The following TRIOBP variants were observed in gnomAD, a reference collection of about 807,000 sequenced individuals.
TRIOBP encodes TRIO and F-actin binding protein.
TRIOBP carries 169 observed loss-of-function variants against 238.8 expected under a neutral mutation model. The ratio of observed to expected loss-of-function variants is 0.71; its 90% CI spans 0.62 to 0.80. TRIOBP has a LOEUF of 0.80. Ranked by LOEUF, TRIOBP falls within the 30% of genes least tolerant of loss-of-function variation. The pLI is 0.00. For synonymous variants in TRIOBP, 1,150 were observed against 1,274.4 expected (o/e 0.90, Z 2.08); for missense variants, 2,838 against 3,122.6 (o/e 0.91, Z 2.17).
chr22:37,710,330 T>C (rs1367356799), intron 3 of TRIOBP, 97 bp from the exon 4 acceptor site: 3 of 1,553,196 alleles, frequency 1.9e-6, no homozygotes, highest in East Asian at 2.3e-5. Context: ...CCCGAGGAGA[T>C]GCCTGGAGAC....
Position 37,725,026 on chromosome 22 carries a change from C to G in TRIOBP, c.2470C>G (p.Pro824Ala). 6.2e-7 allele frequency: 1 copy of G among 1,614,080 alleles called. No homozygotes were observed. Residue 824 changes from proline to alanine, a missense_variant, in exon 7 of 24, where the codon CCC (proline) becomes GCC (alanine). This residue lies in a region of TRIOBP where 2,096 missense variants were observed against 2,137.4 expected (regional missense o/e 0.98). Coordinates refer to ENST00000644935, the MANE Select transcript of TRIOBP (RefSeq NM_001039141.3). The stretch of plus-strand genomic sequence containing the variant: ...CAGAACTTGTATTCAACAGAACATC[C>G]CCAGATCATCTTCTACCCAACAAGA... ...NPRTCIQQNI[P>A]RSSSTQQDNP...
chr22:37,765,102 G>C (rs935095128), intron 17 of TRIOBP, among the ~76,000 whole-genome samples: 1 of 152,148 alleles, frequency 6.6e-6, no homozygotes, highest in African/African-American at 2.4e-5. Context: ...CTAACACAGT[G>C]AAACCCCATC....
chr22:37,765,725 A>T lies in TRIOBP; in HGVS notation c.6380A>T (p.Glu2127Val). ...GAGTCCTCGCACCAGCAGGTGATGG[A>T]GGAGCTGCAGCGGCACCACGAGCGG... ...EMESSHQQVM[E>V]ELQRHHEREL... Residue 2127 changes from glutamate to valine, a missense_variant, in exon 18 of 24, where the codon GAG becomes GTG. Coordinates refer to ENST00000644935, the MANE Select transcript of TRIOBP (RefSeq NM_001039141.3). The T allele has an allele frequency of 2.6e-6, 4 of 1,562,164 alleles. No homozygotes were observed. Among genetic ancestry groups the T allele is most frequent in the Non-Finnish European group, 3.5e-6 (4 of 1,154,424 alleles).
chr22:37,761,751 G>A (rs1926253741), intron 17 of TRIOBP, among the ~76,000 whole-genome samples: 1 of 151,724 alleles, frequency 6.6e-6, no homozygotes, highest in South Asian at 2.1e-4. Flanking sequence ...AGTGGATGGA[G>A]TTTCCACTGA....
rs556877543 is a variant in TRIOBP, at chr22:37,733,508, G to A, written c.4062+96G>A. The A allele has an allele frequency of 7.3e-6, 7 of 963,274 alleles. No individual in the cohort carries two copies. In the South Asian group the frequency reaches 9.7e-5, roughly 13 times the overall value. 59.7% of individuals were successfully genotyped at this position (963,274 alleles called of 1,614,324 possible). A position where few individuals can be genotyped will look rare whatever the true frequency, so the allele number is the denominator to read the frequency against. Reference sequence around the variant, plus strand: ...GCCAGGCAGGGGGCTTGGACAGGAAGGTCCTCTATGAAAGGGTCGGAGTCC... The same window carrying A: ...GCCAGGCAGGGGGCTTGGACAGGAAAGTCCTCTATGAAAGGGTCGGAGTCC... On this transcript the variant is annotated intron_variant, in intron 8 of 23. Coordinates refer to ENST00000644935, the MANE Select transcript of TRIOBP (RefSeq NM_001039141.3).
chr22:37,758,018 G>A lies in TRIOBP; in HGVS notation c.6093G>A (p.Gln2031=). Residue 2031 remains glutamine, a synonymous_variant, in exon 16 of 24, where the codon CAG becomes CAA. Coordinates refer to ENST00000644935, the MANE Select transcript of TRIOBP (RefSeq NM_001039141.3). ...RLSEEIEKKW[Q]ELEKLPLREN... is the part of the protein sequence containing the mutation. ...GTGAGGAGATCGAGAAGAAGTGGCA[G>A]GAGCTGGAGAAGCTGCCCCTGCGGG... 2 of 1,609,562 alleles carry A rather than the reference G, an allele frequency of 1.2e-6. No homozygotes were observed. The highest frequency in any genetic ancestry group is 2.2e-5 in the East Asian group (1 of 44,724).
chr22:37,746,420 G>C, intron 11 of TRIOBP: 1 of 1,419,540 alleles, frequency 7.0e-7, no homozygotes, highest in Non-Finnish European at 9.3e-7. Context: ...CCGCCATGAC[G>C]GTGAGTGCCC....
chr22:37,733,272 A>G, intron 7 of TRIOBP, 26 bp from the exon 8 acceptor site: 1 of 1,514,832 alleles, frequency 6.6e-7, no homozygotes. Flanking sequence ...ACAGTCCCTC[A>G]GAGGAGTGGC....
Position 37,757,864 on chromosome 22 carries a change from C to A in TRIOBP, c.5939C>A (p.Ala1980Asp). ...CAGGAGGAGCTGGAGCGGGACCTGG[C>A]CCAGCGCTCCGAGGAGCGGCGCAAG... ...AKQEELERDL[A>D]QRSEERRKWF... Residue 1980 changes from alanine (A) to aspartate (D), a missense_variant, in exon 16 of 24, where the codon GCC becomes GAC. Transcript: ENST00000644935. 1 of 1,552,398 alleles carries A rather than the reference C, an allele frequency of 6.4e-7. No individual in the cohort carries two copies.
chr22:37,716,042 A>C lies in TRIOBP; in HGVS notation c.628+108A>C, dbSNP rs956732823. On this transcript the variant is annotated intron_variant, in intron 6 of 23. Transcript: ENST00000644935. ...GGGCACGGCTTACTTTGGTGGCCTG[A>C]GTGTTAATAATAGTAACAGTTTGCA... The C allele has an allele frequency of 1.8e-5, 21 of 1,180,666 alleles. No individual in the cohort carries two copies. The African/African-American group carries it at 3.0e-4, about 17-fold the overall frequency. The allele number at this position is 1,180,666 out of a possible 1,614,324, so 73.1% of individuals were successfully genotyped here. A position where few individuals can be genotyped will look rare whatever the true frequency, so the allele number is the denominator to read the frequency against.
In TRIOBP at chr22:37,774,246, G is replaced by C. The variant is rs1257910289; in HGVS notation, c.*466G>C. On this transcript the variant is annotated 3_prime_UTR_variant, in exon 24 of 24. Coordinates refer to ENST00000644935, the MANE Select transcript of TRIOBP (RefSeq NM_001039141.3). ...GGCCCTGGCCCAGAGGTCTGGCGGAGGCCCAGGCAGCAGCCATGGCGGGGT... is the reference window on the plus strand; with the variant it reads ...GGCCCTGGCCCAGAGGTCTGGCGGACGCCCAGGCAGCAGCCATGGCGGGGT... 6.6e-6 allele frequency: 1 copy of C among 152,386 alleles called. No homozygotes were observed. Among genetic ancestry groups the C allele is most frequent in the Non-Finnish European group, 1.5e-5 (1 of 68,114 alleles). 9.4% of individuals were successfully genotyped at this position (152,386 alleles called of 1,614,324 possible).
chr22:37,712,801 C>G (rs1923319194), intron 4 of TRIOBP, among the ~76,000 whole-genome samples: 1 of 151,200 alleles, frequency 6.6e-6, no homozygotes, highest in Admixed American at 6.6e-5. Flanking sequence ...CTAAAAAATA[C>G]AAAAAATTAG....
At position 37,751,812 on chromosome 22, in the gene TRIOBP, T is replaced by A; in HGVS notation, c.5363T>A (p.Leu1788Ter). Residue 1788 changes from leucine (L) to a stop codon, truncating the protein, a stop_gained, in exon 12 of 24, where the codon TTG becomes TAG. Coordinates refer to ENST00000644935, the MANE Select transcript of TRIOBP (RefSeq NM_001039141.3). LOFTEE classifies it high-confidence loss of function. The stretch of plus-strand genomic sequence containing the variant: ...TTCAAGAAGGGATGGATGTCGATCT[T>A]GGACGAGCCTGGAGAGGTAAGAGGA... ...LNFKKGWMSI[L>*]DEPGEPPSPS... 1 of 1,613,878 alleles carries A rather than the reference T, an allele frequency of 6.2e-7. No individual in the cohort carries two copies. The highest frequency in any genetic ancestry group is 2.2e-5 in the East Asian group (1 of 44,846).
intron 7 of TRIOBP, among the ~76,000 whole-genome samples, chr22:37,728,029 T>A (rs1380939322): frequency 1.3e-5 from 2 of 152,222 alleles, no homozygotes; most frequent in African/African-American, 4.8e-5. Context: ...ATTGCCACAA[T>A]CTAACTTTAG....
intron 18 of TRIOBP, among the ~76,000 whole-genome samples, chr22:37,767,732 C>G (rs1244932450): frequency 6.6e-6 from 1 of 152,046 alleles, no homozygotes; most frequent in Non-Finnish European, 1.5e-5. Context: ...TAGGTGGGGT[C>G]CTACCTGGAA....
chr22:37,728,396 T>G (rs1439806414), intron 7 of TRIOBP, among the ~76,000 whole-genome samples: 1 of 152,102 alleles, frequency 6.6e-6, no homozygotes, highest in Non-Finnish European at 1.5e-5. Flanking sequence ...ATTGCGTCAT[T>G]GCACTCCAGC....
At chr22:37,721,891 G>A (rs957753840) in intron 6 of TRIOBP, among the ~76,000 whole-genome samples, 5 of 152,216 alleles carry the variant, frequency 3.3e-5, no homozygotes, top group African/African-American at 1.2e-4. Context: ...CCGAGGGATT[G>A]AGCGGGGTGG....
intron 6 of TRIOBP, among the ~76,000 whole-genome samples, chr22:37,718,073 G>A (rs1923624575): frequency 6.6e-6 from 1 of 152,192 alleles, no homozygotes; most frequent in Non-Finnish European, 1.5e-5. Flanking sequence ...CTCCCCAGCC[G>A]CTGGCCCAGG....
chr22:37,763,003 A>C lies in TRIOBP; in HGVS notation c.6325-2667A>C, dbSNP rs1601663939. 2.0e-5 allele frequency among the ~76,000 whole-genome samples: 3 copies of C among 152,286 alleles called. 1 individual carries two copies. In the East Asian group the frequency reaches 5.8e-4, roughly 29 times the overall value. ...CATGTCAAAGGTGGCAGCCAGGATC[A>C]GGACACCTTGGGCCACTCAGGAAGG... On this transcript the variant is annotated intron_variant, in intron 17 of 23. Transcript: ENST00000644935.
Sources: allele counts gnomAD v4.1 joint callset (sites outside exome capture counted in the v4.1 genomes callset), GRCh38; gene constraint gnomAD v4.1.1; regional missense constraint gnomAD v4.1.1; transcripts MANE v1.5; gene names NCBI Gene and HGNC (gene_info 2026-07-23, HGNC 2026-07-21).